Variants in TMEM182 observed in about 807,000 individuals in gnomAD.
The protein encoded by TMEM182 is transmembrane protein 182.
TMEM182 carries 20 observed loss-of-function variants against 26.8 expected under a neutral mutation model. The ratio of observed to expected loss-of-function variants is 0.75; its 90% CI spans 0.53 to 1.09. The LOEUF (loss-of-function observed/expected upper bound fraction) is 1.09. Among genes scored for constraint, TMEM182 ranks in the 50% least tolerant of loss-of-function variants. TMEM182 has a pLI of 0.00. For synonymous variants in TMEM182, 109 were observed against 102.2 expected (o/e 1.07, Z -0.40); for missense variants, 277 against 275.5 (o/e 1.01, Z -0.04).
intron 3 of TMEM182, among the ~76,000 whole-genome samples, chr2:102,790,460 T>A (rs117137188): frequency 6.6e-6 from 1 of 152,336 alleles, no homozygotes; most frequent in East Asian, 1.9e-4. Context: ...CTTTCCTAAC[T>A]TTTTCCATTG....
intron 1 of TMEM182, among the ~76,000 whole-genome samples, chr2:102,749,009 A>G (rs1679797890): frequency 6.6e-6 from 1 of 152,194 alleles, no homozygotes; most frequent in Non-Finnish European, 1.5e-5. Context: ...AATTTATCAC[A>G]ATAAATGGAT....
intron 3 of TMEM182, among the ~76,000 whole-genome samples, chr2:102,839,000 A>G (rs1297130165): frequency 1.3e-5 from 2 of 152,182 alleles, no homozygotes; most frequent in Non-Finnish European, 2.9e-5. Flanking sequence ...ATGATTAGTA[A>G]TACCCCATAT....
At chr2:102,828,874 T>C (rs1366336189) in intron 3 of TMEM182, among the ~76,000 whole-genome samples, 1 of 152,172 alleles carries the variant, frequency 6.6e-6, no homozygotes, top group African/African-American at 2.4e-5. Flanking sequence ...CTAAAAAGAC[T>C]GTAAGGCTAA....
chr2:102,742,391 A>T (rs975963244), intron 1 of TMEM182, among the ~76,000 whole-genome samples: 3 of 152,204 alleles, frequency 2.0e-5, no homozygotes, highest in Non-Finnish European at 4.4e-5. Context: ...ATGAATTGCG[A>T]GATAATTTCA....
rs1259302538 is a variant in TMEM182 at position 102,814,949 on chromosome 2, A to G, written c.671A>G (p.His224Arg). 6.2e-7 allele frequency: 1 copy of G among 1,613,914 alleles called. No homozygotes were observed. The change falls in exon 5 of 5, where the codon CAT (histidine) becomes CGT (arginine). Residue 224 changes from histidine (H) to arginine (R), a missense_variant. His to Arg is a conservative substitution (Grantham distance 29, BLOSUM62 0). Transcript: ENST00000412401. ...AGLLFLVVGW[H>R]IQIHH ...TTACTATTTCTGGTTGTTGGATGGC[A>G]TATTCAGATACATCACTAAATCAAC...
In TMEM182 at chr2:102,802,469, A is replaced by G. The variant is rs976344508; in HGVS notation, c.469+4469A>G. Among the ~76,000 whole-genome samples, 8 of 152,324 alleles carry G rather than the reference A, an allele frequency of 5.3e-5. No homozygotes were observed. In the South Asian group the frequency reaches 6.2e-4, roughly 12 times the overall value. On this transcript the variant is annotated intron_variant, in intron 4 of 4. Coordinates refer to ENST00000412401, the MANE Select transcript of TMEM182 (RefSeq NM_144632.5). ...GGCAAAGTGTAGTCATTGTCAGGAC[A>G]TTGACCCTCAGCCTGTGTTTCAGCA...
chr2:102,814,800 G>A lies in TMEM182; in HGVS notation c.522G>A (p.Val174=). 1 of 1,613,798 alleles carries A rather than the reference G, an allele frequency of 6.2e-7. No individual in the cohort carries two copies. Among genetic ancestry groups the A allele is most frequent in the Non-Finnish European group, 8.5e-7 (1 of 1,179,932 alleles). The change falls in exon 5 of 5, where the codon GTG becomes GTA. Residue 174 remains valine, a synonymous_variant. Transcript: ENST00000412401. ...VMLYVIWVQA[V]ADMESYRNMK... ...TGTATGTCATCTGGGTCCAGGCAGT[G>A]GCTGACATGGAAAGCTACCGAAACA...
intron 3 of TMEM182, among the ~76,000 whole-genome samples, chr2:102,788,353 A>G (rs1430885080): frequency 6.6e-6 from 1 of 152,024 alleles, no homozygotes; most frequent in Non-Finnish European, 1.5e-5. Flanking sequence ...TCCCTTCCCT[A>G]CTGAGGGAGA....
intron 3 of TMEM182, among the ~76,000 whole-genome samples, chr2:102,783,792 TA>T (rs1420307777): frequency 6.6e-6 from 1 of 152,078 alleles, no homozygotes; most frequent in African/African-American, 2.4e-5. Flanking sequence ...AAGCTGTGTC[TA>T]AAAAAACAAA....
intron 1 of TMEM182, among the ~76,000 whole-genome samples, chr2:102,753,705 A>C (rs577960382): frequency 3.9e-5 from 6 of 152,252 alleles, no homozygotes; most frequent in Admixed American, 6.5e-5. Context: ...AATTCCCAAC[A>C]ACTGACTGTA....
At chr2:102,751,439 C>T (rs551107253) in intron 1 of TMEM182, among the ~76,000 whole-genome samples, 2 of 152,268 alleles carry the variant, frequency 1.3e-5, no homozygotes. Context: ...AAAGATGGAG[C>T]CGCCATTTTG....
Position 102,762,039 on chromosome 2 carries a change from C to A in TMEM182, c.-179C>A. 1.9e-6 allele frequency: 1 copy of A among 522,020 alleles called. No homozygotes were observed. 32.3% of individuals were successfully genotyped at this position (522,020 alleles called of 1,614,324 possible). On this transcript the variant is annotated 5_prime_UTR_variant, in exon 1 of 5. Coordinates refer to ENST00000412401, the MANE Select transcript of TMEM182 (RefSeq NM_144632.5). ...GCGAGCAAAGGGAATATGAATCTGC[C>A]GGTGGGGCGTGAGCGAGAAGCCACC...
chr2:102,800,681 T>C (rs941707831), intron 4 of TMEM182, among the ~76,000 whole-genome samples: 2 of 152,094 alleles, frequency 1.3e-5, no homozygotes, highest in East Asian at 3.9e-4. Context: ...AACCACAGTT[T>C]TTCAATAGAG....
intron 4 of TMEM182, among the ~76,000 whole-genome samples, chr2:102,804,996 A>G (rs1418281293): frequency 1.3e-5 from 2 of 152,220 alleles, no homozygotes; most frequent in Non-Finnish European, 2.9e-5. Flanking sequence ...TCCTGTTATA[A>G]TATGGGAACA....
intron 3 of TMEM182, among the ~76,000 whole-genome samples, chr2:102,785,321 C>G (rs2732865): frequency 3.9e-5 from 6 of 152,164 alleles, no homozygotes; most frequent in Non-Finnish European, 7.3e-5. Context: ...ATCACCTCCC[C>G]CAAAGAGCTT....
intron 1 of TMEM182, among the ~76,000 whole-genome samples, chr2:102,743,087 C>T (rs1679588292): frequency 6.6e-6 from 1 of 151,804 alleles, no homozygotes; most frequent in Non-Finnish European, 1.5e-5. Flanking sequence ...TAACAGTGTA[C>T]CAAGTGATTA....
intron 3 of TMEM182, among the ~76,000 whole-genome samples, chr2:102,788,613 C>A (rs1358076984): frequency 6.6e-6 from 1 of 152,014 alleles, no homozygotes; most frequent in Non-Finnish European, 1.5e-5. Flanking sequence ...TCCCTCCTAA[C>A]CCCCAGGCTC....
downstream of TMEM182, among the ~76,000 whole-genome samples, chr2:102,818,839 C>A (rs560996864): frequency 6.6e-6 from 1 of 152,114 alleles, no homozygotes; most frequent in Admixed American, 6.5e-5. Flanking sequence ...TATATCTATA[C>A]ATTGTCTATA....
intron 1 of TMEM182, among the ~76,000 whole-genome samples, chr2:102,742,436 A>G (rs1679570657): frequency 6.6e-6 from 1 of 151,956 alleles, no homozygotes; most frequent in African/African-American, 2.4e-5. Context: ...TCCTATACCA[A>G]AAGGGAAAGG....
Sources: gnomAD v4.1 joint callset for allele counts (sites outside exome capture counted in the v4.1 genomes callset) on GRCh38, gnomAD v4.1.1 for gene constraint, MANE v1.5 for transcripts, NCBI Gene and HGNC (gene_info 2026-07-23, HGNC 2026-07-21) for gene names.